SNX9: variants seen among roughly 807,000 people sequenced by gnomAD.
SNX9 encodes sorting nexin-9.
Under a neutral mutation model 89.4 loss-of-function variants are expected in SNX9, and 44 were observed. The observed-to-expected ratio is 0.49, with a 90% CI of 0.39 to 0.63. The LOEUF (loss-of-function observed/expected upper bound fraction) is 0.63. Among genes scored for constraint, SNX9 ranks in the 30% least tolerant of loss-of-function variants. The probability of loss-of-function intolerance (pLI) is 0.00; values close to 1 mark genes in which losing one functional copy is unlikely to be tolerated. For synonymous variants in SNX9, 236 were observed against 247.8 expected, an observed-to-expected ratio of 0.95 and a Z score of 0.45; for missense variants, 578 against 736.1, an observed-to-expected ratio of 0.79 and a Z score of 2.49.
At chr6:157,829,212 A>C (rs1052967232) in intron 1 of SNX9, 2 of 150,248 alleles carry the variant, frequency 1.3e-5, no homozygotes, top group African/African-American at 2.5e-5. Context: ...CTGATGTTTT[A>C]AGGTAGTTGG....
In SNX9 at chr6:157,867,535, C is replaced by T; in HGVS notation, c.13-12C>T. ...GTTTGTAACATCCTCTTTTCCTCTCCACTCCTGATAGGCTCGGGTTATGTA... is the reference window on the plus strand; with the variant it reads ...GTTTGTAACATCCTCTTTTCCTCTCTACTCCTGATAGGCTCGGGTTATGTA... On this transcript the variant is annotated splice_polypyrimidine_tract_variant and intron_variant, in intron 1 of 17. Coordinates refer to ENST00000392185, the MANE Select transcript of SNX9 (RefSeq NM_016224.5). 6.2e-7 allele frequency: 1 copy of T among 1,604,496 alleles called. No homozygotes were observed. The highest frequency in any genetic ancestry group is 8.5e-7 in the Non-Finnish European group (1 of 1,172,782).
intron 5 of SNX9, 54 bp downstream of exon 5, chr6:157,897,052 G>C: frequency 1.3e-5 from 20 of 1,492,306 alleles, no homozygotes; most frequent in Non-Finnish European, 1.8e-5. Context: ...GAGTGGGAGA[G>C]ACAGGGAAGA....
Position 157,940,957 on chromosome 6 carries a change from G to A in SNX9, c.1723G>A (p.Val575Met), listed in dbSNP as rs1784023907. ...SVIRLYLEQQ[V>M]QFYETIAEKL... ...CATCCGCCTGTACCTGGAGCAGCAA[G>A]TGCAATTTTACGAAACGGTGAGTGG... Residue 575 changes from valine (V) to methionine (M), a missense_variant, in exon 17 of 18, where the codon GTG becomes ATG. Physicochemically the swap from Val to Met is conservative, Grantham distance 21. Transcript: ENST00000392185. The A allele has an allele frequency of 6.2e-7, 1 of 1,614,100 alleles. No individual in the cohort carries two copies. The highest frequency in any genetic ancestry group is 8.5e-7 in the Non-Finnish European group (1 of 1,180,032).
intron 9 of SNX9, among the ~76,000 whole-genome samples, chr6:157,919,816 A>G (rs1006676189): frequency 1.3e-5 from 2 of 151,962 alleles, no homozygotes; most frequent in African/African-American, 2.4e-5. Context: ...AAAACTGGAC[A>G]TTTTTGAGAA....
intron 9 of SNX9, among the ~76,000 whole-genome samples, chr6:157,915,640 A>AATATATATATATAT (rs1411739606): frequency 1.7e-4 from 16 of 95,120 alleles, no homozygotes; most frequent in African/African-American, 5.1e-4. Context: ...AAAAAAAAAA[A>AATATATATATATAT]ATATATATAT....
chr6:157,939,181 T>C (rs1412493809), intron 16 of SNX9, among the ~76,000 whole-genome samples: 1 of 152,106 alleles, frequency 6.6e-6, no homozygotes, highest in East Asian at 1.9e-4. Context: ...TTTGAGTGTT[T>C]TTGAGCAGAT....
intron 1 of SNX9, among the ~76,000 whole-genome samples, chr6:157,866,535 CTG>C (rs1361807265): frequency 6.6e-6 from 1 of 152,146 alleles, no homozygotes; most frequent in East Asian, 1.9e-4. Context: ...GATGGCACCA[CTG>C]CACTCCAGCC....
Position 157,863,507 on chromosome 6 carries a change from A to G in SNX9, c.13-4040A>G, listed in dbSNP as rs539103633. Among the ~76,000 whole-genome samples, 7 of 152,364 alleles carry G rather than the reference A, an allele frequency of 4.6e-5. No homozygotes were observed. In the South Asian group the frequency reaches 1.4e-3, roughly 32 times the overall value. On this transcript the variant is annotated intron_variant, in intron 1 of 17. Transcript: ENST00000392185. ...TTGTGGTTGACAATATATATTGAAT[A>G]TATAGTTTGGAGTTATCCACTGACC...
At chr6:157,912,000 C>T (rs959971718) in intron 9 of SNX9, among the ~76,000 whole-genome samples, 1 of 152,138 alleles carries the variant, frequency 6.6e-6, no homozygotes, top group Non-Finnish European at 1.5e-5. Context: ...GCCAGATGGC[C>T]GTGGGCTGCT....
At chr6:157,874,848 C>T (rs976633060) in intron 3 of SNX9, 12 of 472,648 alleles carry the variant, frequency 2.5e-5, no homozygotes, top group African/African-American at 1.2e-4. Flanking sequence ...GAAGAAATCT[C>T]GAGAAATTAA....
At position 157,823,410 on chromosome 6, in the gene SNX9, T is replaced by G; in HGVS notation, c.-25T>G. On this transcript the variant is annotated 5_prime_UTR_variant, in exon 1 of 18. Coordinates refer to ENST00000392185, the MANE Select transcript of SNX9 (RefSeq NM_016224.5). The surrounding 1 kb of genome is among the most constrained non-coding windows in gnomAD (Gnocchi z 4.6). ...CGCGGCGCGGGAGACGAGCCGGCCG[T>G]CCCGGGCCGGGGGACCCGCCCGCCA... is the stretch of plus-strand genomic sequence containing the variant. 8.0e-7 allele frequency: 1 copy of G among 1,255,806 alleles called. No individual in the cohort carries two copies. The allele number at this position is 1,255,806 out of a possible 1,614,324, so 77.8% of individuals were successfully genotyped here.
intron 4 of SNX9, among the ~76,000 whole-genome samples, chr6:157,883,258 C>T (rs2746218): frequency 8.5e-5 from 13 of 152,178 alleles, no homozygotes; most frequent in African/African-American, 2.7e-4. Flanking sequence ...CACACTTATA[C>T]GGTATAGTGT....
intron 5 of SNX9, among the ~76,000 whole-genome samples, chr6:157,899,769 G>A (rs547593516): frequency 6.6e-6 from 1 of 151,672 alleles, no homozygotes; most frequent in Non-Finnish European, 1.5e-5. Flanking sequence ...GCGAGGCTCC[G>A]TCTCAAAAAA....
rs34419515 is a variant in SNX9, at chr6:157,914,469, C to CTTTTTTTTTTTTT, written c.949+4455_949+4467dup. On this transcript the variant is annotated intron_variant, in intron 9 of 17. Coordinates refer to ENST00000392185, the MANE Select transcript of SNX9 (RefSeq NM_016224.5). ...TGGCTTGGCTTGTCATTTTCTTTTT[C>CTTTTTTTTTTTTT]TTTTTTTTTTTTTTTTTTTTTTTGG... 3.1e-3 allele frequency among the ~76,000 whole-genome samples: 230 copies of CTTTTTTTTTTTTT among 75,006 alleles called. 1 individual carries two copies. Among genetic ancestry groups the CTTTTTTTTTTTTT allele is most frequent in the Middle Eastern group, 0.014 (1 of 70 alleles). 49.2% of individuals were successfully genotyped at this position (75,006 alleles called of 152,430 possible). A position where few individuals can be genotyped will look rare whatever the true frequency, so the allele number is the denominator to read the frequency against.
intron 1 of SNX9, among the ~76,000 whole-genome samples, chr6:157,857,834 TG>T (rs1354381873): frequency 6.6e-6 from 1 of 152,132 alleles, no homozygotes; most frequent in African/African-American, 2.4e-5. Context: ...TCTAAAAATA[TG>T]GGGAGACTCT....
chr6:157,826,849 T>TATATATAAATATATATTAGTTTATATA (rs1781362399), intron 1 of SNX9, among the ~76,000 whole-genome samples: 1 of 44,270 alleles, frequency 2.3e-5, no homozygotes, highest in Non-Finnish European at 3.9e-5. Context: ...TATTATATTT[T>TATATATAAATATATATTAGTTTATATA]ATATATAAAT....
rs776402651 is a variant in SNX9 at position 157,867,316 on chromosome 6, G to T, written c.13-231G>T. Among the ~76,000 whole-genome samples the T allele has an allele frequency of 9.9e-5, 15 of 152,156 alleles. 1 individual carries two copies. Among genetic ancestry groups the T allele is most frequent in the Admixed American group, 5.9e-4 (9 of 15,266 alleles). On this transcript the variant is annotated intron_variant, in intron 1 of 17. Transcript: ENST00000392185. ...ATCTCTAAATGCAATGTGGGCAGCT[G>T]CCAGAAACCTTCCCTGCCTCCGGAA... is the stretch of plus-strand genomic sequence containing the variant.
chr6:157,847,122 A>G (rs1370129818), intron 1 of SNX9, among the ~76,000 whole-genome samples: 1 of 152,118 alleles, frequency 6.6e-6, no homozygotes, highest in East Asian at 1.9e-4. Context: ...TTTGTTTTTG[A>G]GACAGGGTCT....
chr6:157,863,666 G>T (rs558498704), intron 1 of SNX9, among the ~76,000 whole-genome samples: 2 of 152,272 alleles, frequency 1.3e-5, no homozygotes, highest in East Asian at 1.9e-4. Flanking sequence ...ATGGCAGTTG[G>T]GGTTGAGGCC....
Sources: gnomAD v4.1 joint callset for allele counts (sites outside exome capture counted in the v4.1 genomes callset) on GRCh38, gnomAD v4.1.1 for gene constraint, Gnocchi (gnomAD v3.1) non-coding constraint, MANE v1.5 for transcripts, NCBI Gene and HGNC (gene_info 2026-07-23, HGNC 2026-07-21) for gene names.